Variants in MEIS2 observed in about 807,000 individuals in gnomAD.
MEIS2 encodes homeobox protein Meis2.
Under a neutral mutation model 58.6 loss-of-function variants are expected in MEIS2, and 9 were observed. The observed-to-expected ratio is 0.15, with a 90% confidence interval of 0.09 to 0.27. The LOEUF (loss-of-function observed/expected upper bound fraction) is 0.27, where lower values mean the gene tolerates loss of function less well. MEIS2 is among the 10% of genes least tolerant of loss of function. MEIS2 has a pLI of 1.00. For missense variants in MEIS2, 427 were observed against 635.0 expected (o/e 0.67, Z 3.52); for synonymous variants, 221 against 228.4 (o/e 0.97, Z 0.29).
At chr15:36,961,272 A>T (rs1162102053) in intron 8 of MEIS2, among the ~76,000 whole-genome samples, 1 of 152,176 alleles carries the variant, frequency 6.6e-6, no homozygotes, top group Non-Finnish European at 1.5e-5. Flanking sequence ...TCTTTTCATC[A>T]TACCTGTGAA....
chr15:36,910,645 T>G (rs973107421), intron 9 of MEIS2, among the ~76,000 whole-genome samples: 5 of 152,208 alleles, frequency 3.3e-5, no homozygotes, highest in African/African-American at 1.2e-4. Flanking sequence ...AAGAACCACT[T>G]GTAGGGCTCT....
intron 8 of MEIS2, among the ~76,000 whole-genome samples, chr15:37,019,247 CAA>C (rs2061444863): frequency 6.6e-6 from 1 of 152,114 alleles, no homozygotes; most frequent in East Asian, 1.9e-4. Context: ...TGAATCAAAC[CAA>C]AGTCGATCTG....
intron 2 of MEIS2, 169 bp from the exon 3 acceptor site, chr15:37,096,599 A>G (rs1177137441): frequency 2.6e-6 from 2 of 772,202 alleles, no homozygotes; most frequent in Admixed American, 7.1e-5. Flanking sequence ...AGCCAGAAAC[A>G]GAAAGGGAAA....
chr15:37,049,906 A>AATT (rs2062843523), intron 7 of MEIS2, among the ~76,000 whole-genome samples: 4 of 152,104 alleles, frequency 2.6e-5, no homozygotes, highest in African/African-American at 9.7e-5. Flanking sequence ...ATTGCTTCAA[A>AATT]CAATGTGATT....
At chr15:36,988,535 A>G (rs1160477045) in intron 8 of MEIS2, among the ~76,000 whole-genome samples, 1 of 152,208 alleles carries the variant, frequency 6.6e-6, no homozygotes, top group Admixed American at 6.5e-5. Flanking sequence ...GTTATAATAG[A>G]TAACAGTCCT....
chr15:36,917,282 T>C (rs1742621502), intron 9 of MEIS2, among the ~76,000 whole-genome samples: 1 of 152,238 alleles, frequency 6.6e-6, no homozygotes. Flanking sequence ...ACCAGAACTT[T>C]TCACTTATCT....
At chr15:36,987,811 A>G (rs758477614) in intron 8 of MEIS2, among the ~76,000 whole-genome samples, 7 of 151,728 alleles carry the variant, frequency 4.6e-5, no homozygotes, top group Non-Finnish European at 7.4e-5. Context: ...CACTTGATTC[A>G]GTCACCAAAC....
chr15:37,039,139 A>T (rs1223913246), intron 7 of MEIS2, among the ~76,000 whole-genome samples: 1 of 152,188 alleles, frequency 6.6e-6, no homozygotes, highest in African/African-American at 2.4e-5. Flanking sequence ...AGGAAAAAAA[A>T]TCCACACTGC....
At chr15:36,934,259 C>T (rs2058084200) in intron 9 of MEIS2, among the ~76,000 whole-genome samples, 1 of 151,556 alleles carries the variant, frequency 6.6e-6, no homozygotes, top group Admixed American at 6.6e-5. Context: ...CATATCCACC[C>T]ATTTGTGTTT....
chr15:37,089,164 T>C (rs2141936629), intron 6 of MEIS2, among the ~76,000 whole-genome samples: 1 of 152,280 alleles, frequency 6.6e-6, no homozygotes, highest in African/African-American at 2.4e-5. Flanking sequence ...AGTAGAACTT[T>C]ATCGGAATAG....
At chr15:37,027,294 G>A (rs962579007) in intron 8 of MEIS2, among the ~76,000 whole-genome samples, 1 of 152,112 alleles carries the variant, frequency 6.6e-6, no homozygotes, top group African/African-American at 2.4e-5. Context: ...TTCTAAAATC[G>A]AAATTAGTCT....
At chr15:37,087,186 C>T (rs1892990623) in intron 6 of MEIS2, among the ~76,000 whole-genome samples, 2 of 152,156 alleles carry the variant, frequency 1.3e-5, no homozygotes, top group Admixed American at 1.3e-4. Context: ...ATGTCCTGTT[C>T]TCCAGCCAAA....
At chr15:36,997,217 T>C (rs1488777210) in intron 8 of MEIS2, among the ~76,000 whole-genome samples, 1 of 152,202 alleles carries the variant, frequency 6.6e-6, no homozygotes, top group East Asian at 1.9e-4. Context: ...GAGAATCTGA[T>C]TAAAGTTAAG....
At chr15:36,924,861 C>T (rs1490097463) in intron 9 of MEIS2, among the ~76,000 whole-genome samples, 1 of 152,190 alleles carries the variant, frequency 6.6e-6, no homozygotes. Flanking sequence ...CTCTTGCAAA[C>T]GGAGATACAG....
intron 8 of MEIS2, among the ~76,000 whole-genome samples, chr15:37,006,614 T>C (rs1168587276): frequency 2.0e-5 from 3 of 152,230 alleles, no homozygotes; most frequent in Admixed American, 6.5e-5. Flanking sequence ...TCTTAATCAC[T>C]AGGGCTAGTG....
In MEIS2 at chr15:37,073,212, A is replaced by G. The variant is rs7165942; in HGVS notation, c.754+10559T>C. The stretch of plus-strand genomic sequence containing the variant: ...GCCCTATGAGACAGTTATTATTCCC[A>G]TTTTACAGGTGAAGAAACAAACATT... On this transcript the variant is annotated intron_variant, in intron 7 of 11. Coordinates refer to ENST00000561208, the MANE Select transcript of MEIS2 (RefSeq NM_170675.5). Among the ~76,000 whole-genome samples the G allele has an allele frequency of 9.3e-3, 1,412 of 152,096 alleles. 23 individuals carry two copies. Among genetic ancestry groups the G allele is most frequent in the African/African-American group, 0.032 (1,342 of 41,516 alleles).
intron 7 of MEIS2, among the ~76,000 whole-genome samples, chr15:37,082,242 T>C (rs1171310416): frequency 9.9e-5 from 15 of 152,204 alleles, no homozygotes; most frequent in African/African-American, 4.8e-5. Flanking sequence ...GCTGGGCTCC[T>C]GAGCAAAGCG....
intron 7 of MEIS2, among the ~76,000 whole-genome samples, chr15:37,069,663 T>C (rs770015165): frequency 1.2e-4 from 19 of 152,190 alleles, no homozygotes; most frequent in Non-Finnish European, 2.4e-4. Flanking sequence ...ACTGTAATTC[T>C]AGACCTCCTG....
intron 7 of MEIS2, among the ~76,000 whole-genome samples, chr15:37,071,972 C>T (rs1890767902): frequency 6.6e-6 from 1 of 152,022 alleles, no homozygotes; most frequent in African/African-American, 2.4e-5. Flanking sequence ...AGAAAACTAC[C>T]TCGACTATGG....
Sources: gnomAD v4.1 joint callset for allele counts (sites outside exome capture counted in the v4.1 genomes callset) on GRCh38, gnomAD v4.1.1 for gene constraint, MANE v1.5 for transcripts, NCBI Gene and HGNC (gene_info 2026-07-23, HGNC 2026-07-21) for gene names.